AGBL1: variants seen among roughly 807,000 people sequenced by gnomAD.
AGBL1 encodes the protein cytosolic carboxypeptidase 4.
Under a neutral mutation model 118.9 loss-of-function variants are expected in AGBL1, and 130 were observed. The ratio of observed to expected loss-of-function variants is 1.09; its 90% CI spans 0.95 to 1.26. The LOEUF (loss-of-function observed/expected upper bound fraction) is 1.26. AGBL1 is among the 50% of genes most tolerant of loss of function. AGBL1 has a pLI of 0.00. For missense variants in AGBL1, 1,584 were observed against 1,298.1 expected, an observed-to-expected ratio of 1.22 and a Z score of -3.38; for synonymous variants, 555 against 478.9, an observed-to-expected ratio of 1.16 and a Z score of -2.08.
rs754305559 is a variant in AGBL1, at chr15:86,247,823, G to T, written c.679G>T (p.Gly227Cys). The change falls in exon 7 of 23, where the codon GGC (glycine) becomes TGC (cysteine). Residue 227 changes from glycine to cysteine, a missense_variant. Physicochemically the swap from Gly to Cys is radical, Grantham distance 159. Transcript: ENST00000614907. Reference protein sequence around the residue: ...CLRHIAALRSGREAFLAAQGM... With the variant: ...CLRHIAALRSCREAFLAAQGM... The stretch of plus-strand genomic sequence containing the variant: ...CAGGCACATTGCTGCCCTCCGGTCC[G>T]GCAGGGAGGCCTTCCTGGCAGCACA... 3.1e-6 allele frequency: 5 copies of T among 1,613,976 alleles called. No individual in the cohort carries two copies. The East Asian group carries it at 8.9e-5, about 29-fold the overall frequency.
chr15:86,195,845 TTTTG>T (rs2077793069), intron 5 of AGBL1, among the ~76,000 whole-genome samples: 1 of 152,246 alleles, frequency 6.6e-6, no homozygotes, highest in Non-Finnish European at 1.5e-5. Context: ...TTATTTATTT[TTTTG>T]TTTAACTCAA....
intron 22 of AGBL1, among the ~76,000 whole-genome samples, chr15:86,707,686 C>A (rs1315983876): frequency 2.0e-5 from 3 of 152,096 alleles, no homozygotes; most frequent in East Asian, 1.9e-4. Context: ...TCTGGACTTT[C>A]TTTATAAAAT....
intron 18 of AGBL1, among the ~76,000 whole-genome samples, chr15:86,478,384 T>C (rs1464864827): frequency 1.3e-5 from 2 of 152,202 alleles, no homozygotes; most frequent in Non-Finnish European, 2.9e-5. Flanking sequence ...TTCAGCAAAG[T>C]CTCAGGATAC....
At chr15:86,422,538 T>G (rs1262473351) in intron 18 of AGBL1, among the ~76,000 whole-genome samples, 8 of 152,050 alleles carry the variant, frequency 5.3e-5, no homozygotes, top group Admixed American at 5.2e-4. Flanking sequence ...ATTAAGGAAC[T>G]AGAGAAGCAA....
rs1193143209 is a variant in AGBL1 at position 86,207,549 on chromosome 15, T to C, written c.489-17365T>C. 2.0e-5 allele frequency among the ~76,000 whole-genome samples: 3 copies of C among 152,200 alleles called. No individual in the cohort carries two copies. In the East Asian group the frequency reaches 5.8e-4, roughly 29 times the overall value. On this transcript the variant is annotated intron_variant, in intron 5 of 22. Coordinates refer to ENST00000614907, the MANE Select transcript of AGBL1 (RefSeq NM_001386094.1). ...TCACATCCCTTGTAAGTTGGATTCC[T>C]AGGTATTTTATTCTGTTTGTAACAA...
chr15:86,931,213 G>C (rs1207316951), intron 23 of AGBL1, among the ~76,000 whole-genome samples: 1 of 152,128 alleles, frequency 6.6e-6, no homozygotes, highest in Non-Finnish European at 1.5e-5. Flanking sequence ...GTTACCCTTC[G>C]CTTCAAGATA....
chr15:86,149,840 C>T, intron 3 of AGBL1, among the ~76,000 whole-genome samples: 1 of 152,218 alleles, frequency 6.6e-6, no homozygotes, highest in Admixed American at 6.5e-5. Context: ...CTCAGCACCA[C>T]ATCACATTTA....
intron 21 of AGBL1, among the ~76,000 whole-genome samples, chr15:86,648,255 G>A (rs1488434391): frequency 6.6e-6 from 1 of 152,158 alleles, no homozygotes; most frequent in East Asian, 1.9e-4. Context: ...TGAGGTAGGA[G>A]GCTATTGCAG....
chr15:86,407,624 A>G (rs964276182), intron 18 of AGBL1, among the ~76,000 whole-genome samples: 10 of 152,272 alleles, frequency 6.6e-5, no homozygotes, highest in Admixed American at 6.5e-4. Context: ...TGAAGGTATG[A>G]TTTTTGTTGA....
rs147828116 is a variant in AGBL1, at chr15:86,701,445, T to C, written c.3158+27009T>C. Among the ~76,000 whole-genome samples, 268 of 152,250 alleles carry C rather than the reference T, an allele frequency of 1.8e-3. 4 individuals are homozygous for C. The East Asian group carries it at 0.022, about 13-fold the overall frequency. On this transcript the variant is annotated intron_variant, in intron 22 of 22. Coordinates refer to ENST00000614907, the MANE Select transcript of AGBL1 (RefSeq NM_001386094.1). ...ACATGGATGTTTACAAAGTCCCAGC[T>C]GAATTGTGCTGAGTGTGCACAAAGA...
At chr15:86,333,154 T>A (rs1595980876) in intron 17 of AGBL1, among the ~76,000 whole-genome samples, 1 of 152,054 alleles carries the variant, frequency 6.6e-6, no homozygotes, top group Middle Eastern at 3.4e-3. Context: ...AACAATCTAA[T>A]CCCAAAGCTA....
chr15:86,429,301 T>A (rs1284654795), intron 18 of AGBL1, among the ~76,000 whole-genome samples: 3 of 152,208 alleles, frequency 2.0e-5, no homozygotes, highest in African/African-American at 7.2e-5. Flanking sequence ...GGGCCAGTCT[T>A]ATGGCAAAAC....
chr15:86,832,609 G>C (rs1209203477), intron 22 of AGBL1, among the ~76,000 whole-genome samples: 1 of 152,300 alleles, frequency 6.6e-6, no homozygotes, highest in South Asian at 2.1e-4. Context: ...TTTTGCTTCA[G>C]TTTCCAAAAA....
intron 21 of AGBL1, among the ~76,000 whole-genome samples, chr15:86,656,668 C>T (rs1471041116): frequency 6.6e-6 from 1 of 152,052 alleles, no homozygotes; most frequent in African/African-American, 2.4e-5. Context: ...CTTCTTTTTC[C>T]CTTATTTATT....
At chr15:86,682,156 C>A (rs1259345291) in intron 22 of AGBL1, among the ~76,000 whole-genome samples, 1 of 152,030 alleles carries the variant, frequency 6.6e-6, no homozygotes, top group African/African-American at 2.4e-5. Context: ...TAGTTGCAGG[C>A]AAATAAATGC....
At chr15:86,706,355 C>T (rs558761807) in intron 22 of AGBL1, among the ~76,000 whole-genome samples, 2 of 152,066 alleles carry the variant, frequency 1.3e-5, no homozygotes, top group South Asian at 4.1e-4. Flanking sequence ...CTTGGAAAAG[C>T]TCTATTTAAT....
chr15:87,020,115 A>AATAG (rs1168506328), intron 24 of AGBL1, among the ~76,000 whole-genome samples: 4 of 152,164 alleles, frequency 2.6e-5, no homozygotes, highest in African/African-American at 9.6e-5. Context: ...TTGAGGCAGT[A>AATAG]ATAGATAGCC....
intron 1 of AGBL1, among the ~76,000 whole-genome samples, chr15:86,139,273 A>C (rs946093133): frequency 6.6e-6 from 1 of 152,020 alleles, no homozygotes; most frequent in Non-Finnish European, 1.5e-5. Flanking sequence ...GGAAGTCCAC[A>C]CTGTCTCTGA....
chr15:86,135,801 T>A (rs1442928784), intron 1 of AGBL1, among the ~76,000 whole-genome samples: 1 of 152,110 alleles, frequency 6.6e-6, no homozygotes, highest in Non-Finnish European at 1.5e-5. Flanking sequence ...TCCCCTTAAA[T>A]TTGGACTAGC....
Sources: gnomAD v4.1 joint callset for allele counts (sites outside exome capture counted in the v4.1 genomes callset) on GRCh38, gnomAD v4.1.1 for gene constraint, MANE v1.5 for transcripts, NCBI Gene and HGNC (gene_info 2026-07-23, HGNC 2026-07-21) for gene names.